Variants in SHROOM3 observed in about 807,000 individuals in gnomAD.
SHROOM3 encodes the protein shroom family member 3.
SHROOM3 carries 47 observed loss-of-function variants against 138.6 expected under a neutral mutation model. The ratio of observed to expected loss-of-function variants is 0.34; its 90% CI spans 0.27 to 0.43. The LOEUF (loss-of-function observed/expected upper bound fraction) is 0.43, where lower values mean the gene tolerates loss of function less well. SHROOM3 is among the 20% of genes least tolerant of loss of function. The pLI is 1.00. For synonymous variants in SHROOM3, 1,062 were observed against 1,063.3 expected, an observed-to-expected ratio of 1.00 and a Z score of 0.02; for missense variants, 2,491 against 2,596.5, an observed-to-expected ratio of 0.96 and a Z score of 0.88.
At chr4:76,735,839 TAAAAAAAAAAAA>T (rs1170202101) in intron 4 of SHROOM3, among the ~76,000 whole-genome samples, 6 of 75,832 alleles carry the variant, frequency 7.9e-5, no homozygotes, top group African/African-American at 3.5e-4. Context: ...GACTCTATCT[TAAAAAAAAAAAA>T]AAAAAAAAAA....
chr4:76,572,488 G>A (rs907486089), intron 2 of SHROOM3, among the ~76,000 whole-genome samples: 2 of 152,208 alleles, frequency 1.3e-5, no homozygotes, highest in African/African-American at 2.4e-5. Flanking sequence ...GCAGTCAGTA[G>A]GAAACCTTAG....
At chr4:76,483,603 C>G (rs201780691) in intron 1 of SHROOM3, among the ~76,000 whole-genome samples, 1 of 152,274 alleles carries the variant, frequency 6.6e-6, no homozygotes, top group East Asian at 1.9e-4. Flanking sequence ...TCCTCAAGAT[C>G]TAGAACCAGA....
intron 2 of SHROOM3, among the ~76,000 whole-genome samples, chr4:76,654,071 C>A (rs1736015758): frequency 6.6e-6 from 1 of 152,092 alleles, no homozygotes; most frequent in Non-Finnish European, 1.5e-5. Context: ...GAGTTCCTAA[C>A]CCAGCTGGGC....
At chr4:76,665,455 C>T (rs1292283414) in intron 2 of SHROOM3, among the ~76,000 whole-genome samples, 1 of 152,190 alleles carries the variant, frequency 6.6e-6, no homozygotes, top group Admixed American at 6.5e-5. Context: ...TCAGAAGAAC[C>T]AGTCATCTGG....
chr4:76,593,877 G>A (rs773244648), intron 2 of SHROOM3, among the ~76,000 whole-genome samples: 29 of 152,280 alleles, frequency 1.9e-4, no homozygotes, highest in East Asian at 5.8e-4. Context: ...TCCCAACACC[G>A]ATGATGCTGT....
chr4:76,573,995 G>A (rs752418429), intron 2 of SHROOM3, among the ~76,000 whole-genome samples: 2 of 152,108 alleles, frequency 1.3e-5, no homozygotes, highest in Non-Finnish European at 2.9e-5. Flanking sequence ...GTCTCAAATG[G>A]TGCAGTGGAG....
chr4:76,642,972 C>T (rs1490102776), intron 2 of SHROOM3, among the ~76,000 whole-genome samples: 1 of 151,972 alleles, frequency 6.6e-6, no homozygotes, highest in Non-Finnish European at 1.5e-5. Context: ...TTTGGGAGGC[C>T]GAGGCGGGCA....
chr4:76,719,308 A>G (rs1360080956), intron 3 of SHROOM3, among the ~76,000 whole-genome samples: 1 of 152,222 alleles, frequency 6.6e-6, no homozygotes, highest in African/African-American at 2.4e-5. Context: ...AACAGTATGG[A>G]AGAAAATTCT....
At chr4:76,760,177 A>G (rs548482582) in intron 9 of SHROOM3, among the ~76,000 whole-genome samples, 12 of 152,332 alleles carry the variant, frequency 7.9e-5, no homozygotes, top group African/African-American at 2.9e-4. Flanking sequence ...ATTAACCTTT[A>G]TATCTTCCCC....
At chr4:76,516,170 G>T (rs1216858969) in intron 1 of SHROOM3, among the ~76,000 whole-genome samples, 1 of 152,158 alleles carries the variant, frequency 6.6e-6, no homozygotes, top group Non-Finnish European at 1.5e-5. Context: ...GTTAGTGAAT[G>T]ACCAAGGATA....
At chr4:76,549,550 G>C (rs571951057) in intron 1 of SHROOM3, among the ~76,000 whole-genome samples, 20 of 152,110 alleles carry the variant, frequency 1.3e-4, no homozygotes, top group Admixed American at 9.8e-4. Context: ...TGTAATTTTA[G>C]TAGAGACGGG....
intron 9 of SHROOM3, among the ~76,000 whole-genome samples, chr4:76,764,394 A>G (rs1235078769): frequency 5.3e-5 from 8 of 152,198 alleles, no homozygotes; most frequent in African/African-American, 1.9e-4. Context: ...CAAAAGGCAA[A>G]AGGAATCTAT....
intron 4 of SHROOM3, among the ~76,000 whole-genome samples, chr4:76,731,365 T>C (rs950113147): frequency 2.6e-5 from 4 of 152,256 alleles, no homozygotes; most frequent in African/African-American, 4.8e-5. Flanking sequence ...TTGTCCATCT[T>C]AGCTCCAACG....
intron 7 of SHROOM3, 84 bp from the exon 8 acceptor site, chr4:76,756,365 T>C: frequency 2.0e-6 from 3 of 1,503,498 alleles, no homozygotes; most frequent in Non-Finnish European, 2.7e-6. Context: ...TCAGTCTTTC[T>C]CCACCCTCTT....
At chr4:76,613,607 A>G (rs899390135) in intron 2 of SHROOM3, among the ~76,000 whole-genome samples, 3 of 152,218 alleles carry the variant, frequency 2.0e-5, no homozygotes, top group African/African-American at 7.2e-5. Context: ...AAACTCAGAT[A>G]GGGCTTCGAT....
chr4:76,514,423 T>C (rs1006368403), intron 1 of SHROOM3, among the ~76,000 whole-genome samples: 2 of 152,228 alleles, frequency 1.3e-5, no homozygotes, highest in South Asian at 4.1e-4. Context: ...TCCACTCATA[T>C]GAAATGCCCA....
rs1209578905 is a variant in SHROOM3 at position 76,781,878 on chromosome 4, G to A, written c.*2701G>A. On this transcript the variant is annotated 3_prime_UTR_variant, in exon 11 of 11. Transcript: ENST00000296043. ...GTTGTTGGTCAGGGTTTCAGAATAC[G>A]CGTGATGTCACTGAGAATGTTTGCT... The A allele has an allele frequency of 2.6e-5, 4 of 152,166 alleles. No homozygotes were observed. The highest frequency in any genetic ancestry group is 3.8e-4 in the East Asian group (2 of 5,202). 9.4% of individuals were successfully genotyped at this position (152,166 alleles called of 1,614,324 possible). A position where few individuals can be genotyped will look rare whatever the true frequency, so the allele number is the denominator to read the frequency against.
intron 1 of SHROOM3, among the ~76,000 whole-genome samples, chr4:76,467,645 C>CT (rs1433416316): frequency 6.6e-6 from 1 of 152,160 alleles, no homozygotes; most frequent in Non-Finnish European, 1.5e-5. Context: ...CTGAGAGCCC[C>CT]TTACAAGTGA....
intron 2 of SHROOM3, among the ~76,000 whole-genome samples, chr4:76,693,564 T>C (rs2110109340): frequency 6.6e-6 from 1 of 151,920 alleles, no homozygotes; most frequent in Non-Finnish European, 1.5e-5. Flanking sequence ...TTTTTGTATT[T>C]TTAGTAGAGA....
Sources: allele counts gnomAD v4.1 joint callset (sites outside exome capture counted in the v4.1 genomes callset), GRCh38; gene constraint gnomAD v4.1.1; transcripts MANE v1.5; gene names NCBI Gene and HGNC (gene_info 2026-07-23, HGNC 2026-07-21).